CDK5RAP3: variants seen among roughly 807,000 people sequenced by gnomAD.
CDK5RAP3 encodes the protein CDK5 regulatory subunit-associated protein 3.
Under a neutral mutation model 73.3 loss-of-function variants are expected in CDK5RAP3, and 58 were observed. The ratio of observed to expected loss-of-function variants is 0.79; its 90% CI spans 0.64 to 0.98. CDK5RAP3 has a LOEUF of 0.98. Among genes scored for constraint, CDK5RAP3 ranks in the 50% least tolerant of loss-of-function variants. The pLI is 0.00. For synonymous variants in CDK5RAP3, 224 were observed against 247.5 expected (o/e 0.91, Z 0.89); for missense variants, 525 against 615.8 (o/e 0.85, Z 1.56).
chr17:47,971,548 G>A (rs569998949), intron 2 of CDK5RAP3, 141 bp downstream of exon 2: 3 of 789,006 alleles, frequency 3.8e-6, no homozygotes, highest in Non-Finnish European at 5.9e-6. Flanking sequence ...CCCCATCTGT[G>A]GCCAGACCTG....
chr17:47,978,684 T>C, intron 10 of CDK5RAP3, 145 bp from the exon 11 acceptor site: 2 of 627,494 alleles, frequency 3.2e-6, no homozygotes, highest in South Asian at 1.9e-5. Flanking sequence ...TGGGACAAGG[T>C]AGCCTTCCCC....
chr17:47,975,980 C>A lies in CDK5RAP3; in HGVS notation c.765C>A (p.Leu255=). ...TEPSVVERPH[L]EELPEQVAED... ...CCTCTGTGGTGGAACGACCCCACCT[C>A]GAGGAGCTTCCTGAGCAGGTGGCAG... Residue 255 remains leucine (L), a synonymous_variant, in exon 8 of 14, where the codon CTC becomes CTA. Coordinates refer to ENST00000338399, the MANE Select transcript of CDK5RAP3 (RefSeq NM_176096.3). The A allele has an allele frequency of 1.9e-6, 3 of 1,614,110 alleles. No homozygotes were observed. Among genetic ancestry groups the A allele is most frequent in the Non-Finnish European group, 2.5e-6 (3 of 1,180,040 alleles).
chr17:47,974,494 A>G (rs1448628811), intron 5 of CDK5RAP3, 46 bp downstream of exon 5: 1 of 1,613,782 alleles, frequency 6.2e-7, no homozygotes, highest in Non-Finnish European at 8.5e-7. Context: ...GGGGAAGCCC[A>G]CTCTCAGAGT....
intron 7 of CDK5RAP3, 67 bp downstream of exon 7, chr17:47,975,720 C>A: frequency 6.4e-7 from 1 of 1,565,746 alleles, no homozygotes; most frequent in Non-Finnish European, 8.6e-7. Flanking sequence ...TGACCCTTCT[C>A]CAGTTGTCTT....
rs1488626462 is a variant in CDK5RAP3, at chr17:47,975,505, C to T, written c.514-9C>T. 1 of 1,610,624 alleles carries T rather than the reference C, an allele frequency of 6.2e-7. No individual in the cohort carries two copies. The highest frequency in any genetic ancestry group is 8.5e-7 in the Non-Finnish European group (1 of 1,180,018). The stretch of plus-strand genomic sequence containing the variant: ...ATCTGTTGGACTCCACCTCTTCTCC[C>T]CTCTCTAGGGCGAAAATGTCCGAGG... On this transcript the variant is annotated splice_polypyrimidine_tract_variant and intron_variant, in intron 6 of 13. Transcript: ENST00000338399.
intron 8 of CDK5RAP3, chr17:47,976,387 C>T (rs566675835): frequency 8.1e-6 from 3 of 368,614 alleles, no homozygotes; most frequent in South Asian, 5.5e-5. Context: ...TGAGACTGGG[C>T]CTTGCTCTGT....
intron 5 of CDK5RAP3, chr17:47,974,759 C>T: frequency 7.8e-7 from 1 of 1,285,120 alleles, no homozygotes; most frequent in African/African-American, 1.5e-5. Context: ...CACCCCCGCA[C>T]CCCCATTCTA....
chr17:47,968,088 G>A (rs1401482594), upstream of CDK5RAP3, among the ~76,000 whole-genome samples: 12 of 152,122 alleles, frequency 7.9e-5, no homozygotes, highest in Non-Finnish European at 1.6e-4. Flanking sequence ...GCAGGGCAGT[G>A]CCTTGCTCTT....
At chr17:47,968,129 T>C (rs4794333), upstream of CDK5RAP3, among the ~76,000 whole-genome samples, 52,435 of 151,912 alleles carry the variant, frequency 0.35, 9,553 homozygotes, top group Non-Finnish European at 0.4. Flanking sequence ...GAGCACATAG[T>C]TGGGGCCCAG....
At chr17:47,971,850 C>A (rs2036277684) in intron 2 of CDK5RAP3, among the ~76,000 whole-genome samples, 1 of 152,046 alleles carries the variant, frequency 6.6e-6, no homozygotes, top group Non-Finnish European at 1.5e-5. Context: ...TAAAAAGTAG[C>A]CGGGCATGGG....
intron 5 of CDK5RAP3, 187 bp from the exon 6 acceptor site, chr17:47,974,972 G>A (rs1009511982): frequency 2.6e-4 from 377 of 1,458,308 alleles, no homozygotes; most frequent in Non-Finnish European, 3.1e-4. Context: ...TGTTATTGTC[G>A]CTGTTTTACC....
intron 13 of CDK5RAP3, 22 bp downstream of exon 13, chr17:47,981,356 T>C: frequency 6.2e-7 from 1 of 1,613,782 alleles, no homozygotes; most frequent in Non-Finnish European, 8.5e-7. Context: ...AAGGGAGGCC[T>C]GCCAGTGGGA....
chr17:47,971,108 G>A (rs766975703), upstream of CDK5RAP3: 4 of 1,551,908 alleles, frequency 2.6e-6, no homozygotes, highest in Non-Finnish European at 3.5e-6. Context: ...AGGGCGGGGC[G>A]GGCCACAGTC....
upstream of CDK5RAP3, among the ~76,000 whole-genome samples, chr17:47,969,580 A>AAAAAAAG (rs1567720961): frequency 7.6e-6 from 1 of 131,326 alleles, no homozygotes; most frequent in African/African-American, 2.9e-5. Context: ...AAAAAAAAAA[A>AAAAAAAG]AAAAGAAAAG....
intron 2 of CDK5RAP3, among the ~76,000 whole-genome samples, chr17:47,973,075 G>A (rs551507544): frequency 2.6e-5 from 4 of 152,298 alleles, no homozygotes; most frequent in African/African-American, 7.2e-5. Context: ...TAGGGGCTTT[G>A]CAGCTGTTCA....
chr17:47,972,158 C>A (rs769178824), intron 2 of CDK5RAP3, among the ~76,000 whole-genome samples: 3 of 151,818 alleles, frequency 2.0e-5, no homozygotes, highest in East Asian at 3.8e-4. Context: ...GGAAGAGGGA[C>A]CTAAGACCCA....
chr17:47,975,810 A>C, intron 7 of CDK5RAP3, 59 bp from the exon 8 acceptor site: 1 of 1,609,188 alleles, frequency 6.2e-7, no homozygotes. Context: ...CCCAGGCCAA[A>C]GCCCAGTGTT....
Position 47,973,541 on chromosome 17 carries a change from C to G in CDK5RAP3, c.75C>G (p.His25Gln), listed in dbSNP as rs769124501. Residue 25 changes from histidine to glutamine, a missense_variant, in exon 3 of 14, where the codon CAC (histidine) becomes CAG (glutamine). Around this residue, in one of 2 missense-constraint regions of CDK5RAP3, gnomAD observed 409 missense variants for 429.8 expected, o/e 0.95. Transcript: ENST00000338399. ...TAGATTGGCTGGTGGACAGAAGGCA[C>G]TGCAGCCTGAAATGGCAGAGTCTGG... ...KLLDWLVDRRHCSLKWQSLVL... is the reference protein window; with the variant it reads ...KLLDWLVDRRQCSLKWQSLVL... 3 of 1,614,178 alleles carry G rather than the reference C, an allele frequency of 1.9e-6. No homozygotes were observed. The highest frequency in any genetic ancestry group is 2.5e-6 in the Non-Finnish European group (3 of 1,179,998).
rs568689115 is a variant in CDK5RAP3 at position 47,980,630 on chromosome 17, G to A, written c.1115G>A (p.Ser372Asn). 1 of 1,613,672 alleles carries A rather than the reference G, an allele frequency of 6.2e-7. No individual in the cohort carries two copies. Among genetic ancestry groups the A allele is most frequent in the South Asian group, 1.1e-5 (1 of 91,058 alleles). Residue 372 changes from serine to asparagine, a missense_variant, in exon 12 of 14, where the codon AGT (serine) becomes AAT (asparagine). Around this residue, in one of 2 missense-constraint regions of CDK5RAP3, gnomAD observed 116 missense variants for 186.1 expected, o/e 0.62. Transcript: ENST00000338399. ...TTAGCCCAGAGAGCAGTGGAGTTGA[G>A]TGAGGAGGCAGATGTCCTGTCTGTG... is the stretch of plus-strand genomic sequence containing the variant. ...IFLAQRAVEL[S>N]EEADVLSVSQ...
Sources: allele counts gnomAD v4.1 joint callset (sites outside exome capture counted in the v4.1 genomes callset), GRCh38; gene constraint gnomAD v4.1.1; regional missense constraint gnomAD v4.1.1; transcripts MANE v1.5; gene names NCBI Gene and HGNC (gene_info 2026-07-23, HGNC 2026-07-21).